SULF1: variants seen among roughly 807,000 people sequenced by gnomAD.
SULF1 encodes the protein extracellular sulfatase Sulf-1.
In SULF1, 46 loss-of-function variants were observed where a neutral mutation model predicts 110.5. That is an observed-to-expected ratio of 0.42 (90% CI 0.33 to 0.53). The LOEUF (loss-of-function observed/expected upper bound fraction) is 0.53, where lower values mean the gene tolerates loss of function less well. SULF1 is among the 20% of genes least tolerant of loss of function. SULF1 has a pLI of 0.12. For synonymous variants in SULF1, 371 were observed against 387.1 expected (o/e 0.96, Z 0.49); for missense variants, 941 against 1,094.2 (o/e 0.86, Z 1.98).
chr8:69,490,756 T>G (rs894685667), upstream of SULF1, among the ~76,000 whole-genome samples: 3 of 151,714 alleles, frequency 2.0e-5, no homozygotes, highest in African/African-American at 4.9e-5. Context: ...TGTCACTTTC[T>G]AAGCTGTATG....
chr8:69,485,415 C>T (rs991153571), intron 1 of SULF1, among the ~76,000 whole-genome samples: 15 of 152,202 alleles, frequency 9.9e-5, no homozygotes, highest in African/African-American at 3.4e-4. Context: ...GCTCAGGTTA[C>T]TCAGCCTGGC....
chr8:69,510,870 G>C (rs1414274371), intron 3 of SULF1, among the ~76,000 whole-genome samples: 12 of 151,218 alleles, frequency 7.9e-5, no homozygotes, highest in Non-Finnish European at 1.8e-4. Context: ...ACCCACCTCA[G>C]ACTCCCAAAG....
chr8:69,648,053 C>A (rs1812061917), intron 22 of SULF1, among the ~76,000 whole-genome samples: 1 of 150,626 alleles, frequency 6.6e-6, no homozygotes, highest in Non-Finnish European at 1.5e-5. Context: ...CCATTTCAAG[C>A]TAAAACATAT....
At chr8:69,601,355 A>G (rs1467142762) in intron 9 of SULF1, among the ~76,000 whole-genome samples, 1 of 152,170 alleles carries the variant, frequency 6.6e-6, no homozygotes, top group African/African-American at 2.4e-5. Flanking sequence ...AGTACAACCT[A>G]TAAAGTTTGA....
intron 13 of SULF1, among the ~76,000 whole-genome samples, chr8:69,615,029 A>G (rs1344143558): frequency 6.6e-6 from 1 of 152,236 alleles, no homozygotes; most frequent in Non-Finnish European, 1.5e-5. Context: ...TGATTTACTG[A>G]TAAACTTCAA....
intron 19 of SULF1, among the ~76,000 whole-genome samples, chr8:69,630,968 C>T (rs533474237): frequency 6.6e-6 from 1 of 151,456 alleles, no homozygotes; most frequent in Admixed American, 6.6e-5. Context: ...TCCCTCCCCC[C>T]TGCCCCCACC....
chr8:69,534,539 C>T (rs1472533245), intron 3 of SULF1, among the ~76,000 whole-genome samples: 1 of 152,096 alleles, frequency 6.6e-6, no homozygotes, highest in Non-Finnish European at 1.5e-5. Flanking sequence ...AACAAGTATT[C>T]CTTCCAGGAA....
chr8:69,575,717 T>G (rs959342416), intron 5 of SULF1, among the ~76,000 whole-genome samples: 2 of 152,176 alleles, frequency 1.3e-5, no homozygotes, highest in African/African-American at 4.8e-5. Flanking sequence ...ATTATCAGAT[T>G]AGCCTGCATT....
At chr8:69,497,273 T>C (rs1479649804) in intron 2 of SULF1, among the ~76,000 whole-genome samples, 1 of 149,558 alleles carries the variant, frequency 6.7e-6, no homozygotes, top group African/African-American at 2.5e-5. Flanking sequence ...TTCTCCTGCC[T>C]CAGCCTCCTG....
chr8:69,478,793 A>G, intron 1 of SULF1, among the ~76,000 whole-genome samples: 1 of 152,178 alleles, frequency 6.6e-6, no homozygotes, highest in East Asian at 1.9e-4. Flanking sequence ...ATTTTGAGAA[A>G]CAGTAAGACA....
At chr8:69,526,602 AAAAAAAAAAAAAG>A (rs1230918018) in intron 3 of SULF1, among the ~76,000 whole-genome samples, 2 of 23,652 alleles carry the variant, frequency 8.5e-5, no homozygotes, top group Non-Finnish European at 2.1e-4. Context: ...TCTCTACCAA[AAAAAAAAAAAAAG>A]AAAGAAAGAA....
chr8:69,648,319 C>G (rs1054190314), intron 22 of SULF1, among the ~76,000 whole-genome samples: 1 of 152,138 alleles, frequency 6.6e-6, no homozygotes, highest in African/African-American at 2.4e-5. Context: ...CAGATAGCAA[C>G]AAGCAACAAA....
chr8:69,567,680 A>T (rs1815994924), intron 5 of SULF1, among the ~76,000 whole-genome samples: 1 of 152,082 alleles, frequency 6.6e-6, no homozygotes, highest in Non-Finnish European at 1.5e-5. Context: ...TTCCTTTTTA[A>T]TGCTGAATAA....
At chr8:69,598,808 T>C (rs912872568) in intron 8 of SULF1, among the ~76,000 whole-genome samples, 3 of 152,224 alleles carry the variant, frequency 2.0e-5, no homozygotes, top group Admixed American at 6.5e-5. Flanking sequence ...GAGTTACTTA[T>C]ACTTCTGAGC....
chr8:69,497,309 C>A (rs1810433746), intron 2 of SULF1, among the ~76,000 whole-genome samples: 2 of 151,958 alleles, frequency 1.3e-5, no homozygotes, highest in South Asian at 2.1e-4. Context: ...AGGCACCTGC[C>A]ACCACGCCTG....
chr8:69,623,965 A>G lies in SULF1; in HGVS notation c.1618A>G (p.Thr540Ala), dbSNP rs1268239864. Residue 540 changes from threonine to alanine, a missense_variant, in exon 15 of 23, where the codon ACT becomes GCT. Transcript: ENST00000402687. ...AGAGTACAAGCCCAGATTTGTCCAT[A>G]CTCGGCAGACACGTTCCTTGTCCGT... The part of the protein sequence containing the change: ...TPKYKPRFVH[T>A]RQTRSLSVEF... The G allele has an allele frequency of 6.2e-7, 1 of 1,614,030 alleles. No individual in the cohort carries two copies. The highest frequency in any genetic ancestry group is 1.1e-5 in the South Asian group (1 of 91,004).
chr8:69,541,107 G>A (rs985409044), intron 3 of SULF1, among the ~76,000 whole-genome samples: 2 of 152,154 alleles, frequency 1.3e-5, no homozygotes, highest in Admixed American at 1.3e-4. Flanking sequence ...GATGGAGAAT[G>A]GTGGAGCAGG....
chr8:69,561,215 C>G (rs915056747), intron 3 of SULF1, among the ~76,000 whole-genome samples: 2 of 151,914 alleles, frequency 1.3e-5, no homozygotes, highest in Non-Finnish European at 2.9e-5. Flanking sequence ...ACACATATAT[C>G]AAAACATCAA....
intron 8 of SULF1, among the ~76,000 whole-genome samples, chr8:69,591,262 A>G (rs1806874668): frequency 6.6e-6 from 1 of 152,072 alleles, no homozygotes. Context: ...TTTGAAAAAC[A>G]TCTCTGTGCT....
Sources: gnomAD v4.1 joint callset for allele counts (sites outside exome capture counted in the v4.1 genomes callset) on GRCh38, gnomAD v4.1.1 for gene constraint, MANE v1.5 for transcripts, NCBI Gene and HGNC (gene_info 2026-07-23, HGNC 2026-07-21) for gene names.